The following USP10 variants were observed in gnomAD, a reference collection of about 807,000 sequenced individuals.
The protein encoded by USP10 is ubiquitin specific peptidase 10, also known as ubiquitin carboxyl-terminal hydrolase 10.
Under a neutral mutation model 84.5 loss-of-function variants are expected in USP10, and 22 were observed. The observed-to-expected ratio is 0.26, with a 90% CI of 0.19 to 0.37. The LOEUF is 0.37. USP10 is among the 10% of genes least tolerant of loss of function. The pLI is 1.00. For missense variants in USP10, 1,019 were observed against 998.9 expected (o/e 1.02, Z -0.27); for synonymous variants, 454 against 387.6 (o/e 1.17, Z -2.01).
Position 84,744,726 on chromosome 16 carries a change from C to T in USP10, c.245C>T (p.Thr82Ile), listed in dbSNP as rs369278575. The T allele has an allele frequency of 6.5e-5, 105 of 1,613,596 alleles. No homozygotes were observed. Among genetic ancestry groups the T allele is most frequent in the Middle Eastern group, 3.3e-4 (2 of 6,078 alleles). Residue 82 changes from threonine (T) to isoleucine (I), a missense_variant, in exon 4 of 14, where the codon ACA becomes ATA. Physicochemically the swap from Thr to Ile is moderately conservative, Grantham distance 89. Transcript: ENST00000219473. The part of the protein sequence containing the change: ...PRTPSYSISS[T>I]LNPQAPEFIL... ...ACCCCCAGCTACAGTATTTCAAGCACACTGAACCCTCAGGCCCCTGAATTT... is the reference window on the plus strand; with the variant it reads ...ACCCCCAGCTACAGTATTTCAAGCATACTGAACCCTCAGGCCCCTGAATTT...
intron 1 of USP10, among the ~76,000 whole-genome samples, chr16:84,725,597 G>T (rs1055357433): frequency 6.6e-5 from 10 of 152,108 alleles, no homozygotes; most frequent in African/African-American, 2.4e-4. Context: ...TAGAGACAGG[G>T]TTTCACCATG....
intron 8 of USP10, among the ~76,000 whole-genome samples, 183 bp downstream of exon 8, chr16:84,760,458 A>G (rs1313932662): frequency 1.3e-5 from 2 of 152,230 alleles, no homozygotes; most frequent in Non-Finnish European, 2.9e-5. Flanking sequence ...CTTTACATAT[A>G]TTAACTTAGT....
chr16:84,747,940 C>T (rs1477280072), intron 4 of USP10, among the ~76,000 whole-genome samples: 1 of 151,698 alleles, frequency 6.6e-6, no homozygotes, highest in Non-Finnish European at 1.5e-5. Flanking sequence ...ATGACAAGGT[C>T]AGGAGATCGA....
intron 11 of USP10, among the ~76,000 whole-genome samples, chr16:84,769,821 C>T (rs1355136161): frequency 6.6e-6 from 1 of 151,532 alleles, no homozygotes; most frequent in Non-Finnish European, 1.5e-5. Context: ...TTTGACTTTG[C>T]TGGGGTGGGC....
intron 9 of USP10, among the ~76,000 whole-genome samples, chr16:84,763,395 C>G (rs189157181): frequency 1.2e-4 from 19 of 152,296 alleles, no homozygotes; most frequent in East Asian, 5.8e-4. Flanking sequence ...TTTTCTGATG[C>G]TATACACACA....
At chr16:84,728,713 C>G (rs1908834533) in intron 1 of USP10, among the ~76,000 whole-genome samples, 1 of 152,152 alleles carries the variant, frequency 6.6e-6, no homozygotes, top group South Asian at 2.1e-4. Flanking sequence ...GCCATTTTCC[C>G]TTTTTGTAGT....
chr16:84,745,445 C>T lies in USP10; in HGVS notation c.964C>T (p.Pro322Ser). 1.2e-6 allele frequency: 2 copies of T among 1,613,802 alleles called. No homozygotes were observed. The highest frequency in any genetic ancestry group is 8.5e-7 in the Non-Finnish European group (1 of 1,179,712). Residue 322 changes from proline to serine, a missense_variant, in exon 4 of 14, where the codon CCT becomes TCT. Coordinates refer to ENST00000219473, the MANE Select transcript of USP10 (RefSeq NM_005153.3). ...CCCAACCAAACCCGAGAGTGCATCA[C>T]CTCCTGCTGACGGCACGGGCTCTGC... Reference protein sequence around the residue: ...LDPTKPESASPPADGTGSASG... With the variant: ...LDPTKPESASSPADGTGSASG...
chr16:84,701,614 C>T (rs1406905283), intron 1 of USP10, among the ~76,000 whole-genome samples: 1 of 152,168 alleles, frequency 6.6e-6, no homozygotes, highest in African/African-American at 2.4e-5. Flanking sequence ...ATGAAGAAAG[C>T]ATCTTTAGGC....
chr16:84,717,118 G>C (rs550925378), intron 1 of USP10, among the ~76,000 whole-genome samples: 153 of 152,274 alleles, frequency 1.0e-3, no homozygotes, highest in Non-Finnish European at 1.4e-3. Flanking sequence ...CGCTGTCTGA[G>C]CTCCTAGGTA....
Position 84,717,366 on chromosome 16 carries a change from T to G in USP10, c.22-16069T>G, listed in dbSNP as rs145615429. ...TGCAGATTAAATGAAATATGTTGATTAAATGCCTTTAACATTGTCTAGAGC... is the reference window on the plus strand; with the variant it reads ...TGCAGATTAAATGAAATATGTTGATGAAATGCCTTTAACATTGTCTAGAGC... On this transcript the variant is annotated intron_variant, in intron 1 of 13. Coordinates refer to ENST00000219473, the MANE Select transcript of USP10 (RefSeq NM_005153.3). Among the ~76,000 whole-genome samples, 532 of 152,340 alleles carry G rather than the reference T, an allele frequency of 3.5e-3. 2 individuals are homozygous for G. The highest frequency in any genetic ancestry group is 4.1e-3 in the Non-Finnish European group (278 of 68,022).
chr16:84,778,195 G>A (rs1915218935), intron 13 of USP10, among the ~76,000 whole-genome samples: 2 of 151,702 alleles, frequency 1.3e-5, no homozygotes, highest in African/African-American at 2.4e-5. Flanking sequence ...CATCTCCGCA[G>A]TGCCCCACCA....
intron 2 of USP10, among the ~76,000 whole-genome samples, chr16:84,739,312 C>G (rs1910339834): frequency 6.6e-6 from 1 of 151,754 alleles, no homozygotes. Flanking sequence ...TGCTCTATTG[C>G]CCAGGCTGGA....
intron 3 of USP10, among the ~76,000 whole-genome samples, chr16:84,742,664 C>A (rs1370701264): frequency 6.6e-6 from 1 of 152,192 alleles, no homozygotes; most frequent in Non-Finnish European, 1.5e-5. Context: ...CCGTCCTGCA[C>A]TTCGTCTGCC....
At chr16:84,712,250 G>C (rs1906405341) in intron 1 of USP10, among the ~76,000 whole-genome samples, 1 of 152,196 alleles carries the variant, frequency 6.6e-6, no homozygotes, top group Admixed American at 6.5e-5. Context: ...TGTGTACAGA[G>C]GCCCTTGTGG....
chr16:84,704,889 G>A (rs1250832877), intron 1 of USP10: 2 of 1,535,714 alleles, frequency 1.3e-6, no homozygotes, highest in Non-Finnish European at 1.7e-6. Flanking sequence ...AATGTGGTTT[G>A]GGGCTGTTAC....
intron 1 of USP10, among the ~76,000 whole-genome samples, chr16:84,708,366 C>G (rs972914569): frequency 6.6e-6 from 1 of 152,150 alleles, no homozygotes; most frequent in Admixed American, 6.5e-5. Context: ...AGGAGAATAG[C>G]TTGAACCCGT....
intron 1 of USP10, among the ~76,000 whole-genome samples, chr16:84,725,694 G>C (rs1404533208): frequency 6.6e-6 from 1 of 152,048 alleles, no homozygotes; most frequent in East Asian, 1.9e-4. Flanking sequence ...GTGAGCCACC[G>C]TGCCCGGCCT....
chr16:84,754,334 C>G (rs545524336), intron 4 of USP10, among the ~76,000 whole-genome samples: 2 of 152,172 alleles, frequency 1.3e-5, no homozygotes, highest in African/African-American at 4.8e-5. Flanking sequence ...TAAGAAAAAT[C>G]TAGGTTGTTC....
chr16:84,727,726 C>T (rs2150789275), intron 1 of USP10, among the ~76,000 whole-genome samples: 1 of 152,270 alleles, frequency 6.6e-6, no homozygotes, highest in Middle Eastern at 3.4e-3. Context: ...AATATTTTTC[C>T]AAACCCTTTG....
Sources: gnomAD v4.1 joint callset for allele counts (sites outside exome capture counted in the v4.1 genomes callset) on GRCh38, gnomAD v4.1.1 for gene constraint, MANE v1.5 for transcripts, NCBI Gene and HGNC (gene_info 2026-07-23, HGNC 2026-07-21) for gene names.